The following CCDC7 variants were observed in gnomAD, a reference collection of about 807,000 sequenced individuals.
CCDC7 encodes the protein coiled-coil domain containing 7, also known as coiled-coil domain-containing protein 7.
A neutral mutation model predicts 196.9 loss-of-function variants in CCDC7; 183 were observed. The ratio of observed to expected loss-of-function variants is 0.93; its 90% CI spans 0.82 to 1.05. The LOEUF (loss-of-function observed/expected upper bound fraction) is 1.05. Among genes scored for constraint, CCDC7 ranks in the 50% least tolerant of loss-of-function variants. The probability of loss-of-function intolerance (pLI) is 0.00; values close to 1 mark genes in which losing one functional copy is unlikely to be tolerated. For missense variants in CCDC7, 1,540 were observed against 1,482.2 expected (o/e 1.04, Z -0.64); for synonymous variants, 525 against 484.6 (o/e 1.08, Z -1.10).
At chr10:32,649,647 C>T (rs2068375750) in intron 20 of CCDC7, among the ~76,000 whole-genome samples, 1 of 152,182 alleles carries the variant, frequency 6.6e-6, no homozygotes, top group African/African-American at 2.4e-5. Context: ...CTCAGGAATG[C>T]CAATGAATTG....
chr10:32,709,026 T>C (rs888914190), intron 24 of CCDC7, among the ~76,000 whole-genome samples: 1 of 152,172 alleles, frequency 6.6e-6, no homozygotes, highest in Non-Finnish European at 1.5e-5. Flanking sequence ...TGCACACGTA[T>C]GTTTATTGCA....
intron 21 of CCDC7, among the ~76,000 whole-genome samples, chr10:32,672,376 A>G (rs558776030): frequency 1.3e-5 from 2 of 152,264 alleles, no homozygotes; most frequent in Admixed American, 6.5e-5. Context: ...AATGCAAACT[A>G]CCTTGCTGTG....
chr10:32,534,749 T>C (rs1161861857), intron 11 of CCDC7, among the ~76,000 whole-genome samples: 1 of 152,128 alleles, frequency 6.6e-6, no homozygotes, highest in Non-Finnish European at 1.5e-5. Context: ...ATATTCCTTC[T>C]ACGATGTGGT....
rs2059515664 is a variant in CCDC7, at chr10:32,588,677, G to T, written c.1801+4373G>T. ...TGGTAATGTTGGTCTTATTTTGTAA[G>T]TTTTCCCTATTCTTTTATTTTTTAG... On this transcript the variant is annotated intron_variant, in intron 18 of 41. Transcript: ENST00000639629. Among the ~76,000 whole-genome samples, 4 of 151,968 alleles carry T rather than the reference G, an allele frequency of 2.6e-5. No homozygotes were observed. The South Asian group carries it at 8.3e-4, about 31-fold the overall frequency.
At chr10:32,648,301 G>A (rs1307507001) in intron 20 of CCDC7, among the ~76,000 whole-genome samples, 1 of 151,928 alleles carries the variant, frequency 6.6e-6, no homozygotes, top group African/African-American at 2.4e-5. Context: ...GTATTGCTTT[G>A]GTTATTTGGG....
At chr10:32,612,280 A>T (rs1213296714) in intron 18 of CCDC7, among the ~76,000 whole-genome samples, 2 of 152,122 alleles carry the variant, frequency 1.3e-5, no homozygotes, top group Non-Finnish European at 2.9e-5. Flanking sequence ...GTATCCTGAG[A>T]CTTTGCTGAA....
In CCDC7 at chr10:32,726,751, ATGTT is replaced by A; in HGVS notation, c.2592_2595del (p.Val865IlefsTer16). On this transcript the variant is annotated frameshift_variant, in exon 26 of 42. Transcript: ENST00000639629. LOFTEE classifies it high-confidence loss of function. ...TTTTGTAGTACCAGATAAAAATTCT[ATGTT>A]TGTTCATCAAGATTCAGTGTCAAAA... 6.3e-7 allele frequency: 1 copy of A among 1,594,332 alleles called. No individual in the cohort carries two copies. Among genetic ancestry groups the A allele is most frequent in the Non-Finnish European group, 8.6e-7 (1 of 1,165,494 alleles).
intron 9 of CCDC7, among the ~76,000 whole-genome samples, chr10:32,508,639 T>C (rs894033898): frequency 2.6e-5 from 4 of 152,184 alleles, no homozygotes; most frequent in Non-Finnish European, 5.9e-5. Flanking sequence ...ATTTTTTTTT[T>C]TGATACGGAG....
chr10:32,671,932 G>A (rs766107884), intron 21 of CCDC7, among the ~76,000 whole-genome samples: 6 of 152,196 alleles, frequency 3.9e-5, no homozygotes, highest in Non-Finnish European at 8.8e-5. Flanking sequence ...GTCTTCAGTG[G>A]CAATGACTAT....
intron 12 of CCDC7, 51 bp from the exon 14 acceptor site, chr10:32,544,196 G>A: frequency 6.1e-6 from 9 of 1,484,716 alleles, no homozygotes; most frequent in Non-Finnish European, 8.3e-6. Flanking sequence ...AAGCAAAGCA[G>A]TGATGCATTT....
At chr10:32,754,538 A>G (rs896513806) in intron 28 of CCDC7, among the ~76,000 whole-genome samples, 2 of 152,226 alleles carry the variant, frequency 1.3e-5, no homozygotes, top group Admixed American at 6.5e-5. Context: ...AAAACTTGGC[A>G]ACAATAACAT....
At chr10:32,476,019 T>A (rs2038904358) in intron 8 of CCDC7, among the ~76,000 whole-genome samples, 1 of 152,228 alleles carries the variant, frequency 6.6e-6, no homozygotes, top group African/African-American at 2.4e-5. Context: ...TGCATTAATG[T>A]GATACATTTG....
chr10:32,746,155 C>T (rs552409361), intron 28 of CCDC7, among the ~76,000 whole-genome samples: 14 of 152,034 alleles, frequency 9.2e-5, no homozygotes, highest in African/African-American at 2.7e-4. Flanking sequence ...TTTGGAAGGA[C>T]GGCATTGAGA....
chr10:32,700,170 G>T (rs2078436109), intron 24 of CCDC7, among the ~76,000 whole-genome samples: 1 of 149,450 alleles, frequency 6.7e-6, no homozygotes, highest in African/African-American at 2.6e-5. Context: ...TTTTCTTCTA[G>T]GGTTTTTATG....
At chr10:32,651,323 C>T (rs1263445747) in intron 20 of CCDC7, among the ~76,000 whole-genome samples, 1 of 152,180 alleles carries the variant, frequency 6.6e-6, no homozygotes, top group Non-Finnish European at 1.5e-5. Flanking sequence ...CAGCTTCCTC[C>T]CTATTCAGCC....
chr10:32,638,045 G>A (rs962121208), intron 20 of CCDC7, among the ~76,000 whole-genome samples: 36 of 152,110 alleles, frequency 2.4e-4, no homozygotes, highest in African/African-American at 8.2e-4. Flanking sequence ...TGTTATTGGT[G>A]TATGAGAATG....
At chr10:32,701,032 T>C (rs1458593557) in intron 24 of CCDC7, among the ~76,000 whole-genome samples, 1 of 152,204 alleles carries the variant, frequency 6.6e-6, no homozygotes, top group African/African-American at 2.4e-5. Context: ...CTTTTCCTAA[T>C]TGAATATCCT....
intron 31 of CCDC7, 124 bp from the exon 33 acceptor site, chr10:32,824,394 G>A (rs1457688065): frequency 5.6e-6 from 3 of 538,722 alleles, no homozygotes; most frequent in African/African-American, 3.8e-5. Flanking sequence ...GCTGCAATCT[G>A]GACACTTTAT....
intron 29 of CCDC7, among the ~76,000 whole-genome samples, chr10:32,789,651 T>C (rs183903083): frequency 6.6e-6 from 1 of 152,044 alleles, no homozygotes; most frequent in Non-Finnish European, 1.5e-5. Flanking sequence ...TAATTCCCAA[T>C]GCAGCAGTGT....
Sources: gnomAD v4.1 joint callset for allele counts (sites outside exome capture counted in the v4.1 genomes callset) on GRCh38, gnomAD v4.1.1 for gene constraint, MANE v1.5 for transcripts, NCBI Gene and HGNC (gene_info 2026-07-23, HGNC 2026-07-21) for gene names.